The following MYO3A variants were observed in gnomAD, a reference collection of about 807,000 sequenced individuals.
The protein encoded by MYO3A is myosin IIIA.
In MYO3A, 180 loss-of-function variants were observed where a neutral mutation model predicts 192.7. The ratio of observed to expected loss-of-function variants is 0.93; its 90% CI spans 0.83 to 1.06. The LOEUF (loss-of-function observed/expected upper bound fraction) is 1.06, where lower values mean the gene tolerates loss of function less well. Among genes scored for constraint, MYO3A ranks in the 50% least tolerant of loss-of-function variants. The pLI, the probability that MYO3A is intolerant of heterozygous loss-of-function variation, is 0.00. For missense variants in MYO3A, 1,896 were observed against 1,905.0 expected (o/e 1.00, Z 0.09); for synonymous variants, 628 against 645.3 (o/e 0.97, Z 0.41).
At chr10:26,121,438 G>A (rs1838851671) in intron 18 of MYO3A, among the ~76,000 whole-genome samples, 1 of 151,902 alleles carries the variant, frequency 6.6e-6, no homozygotes, top group African/African-American at 2.4e-5. Context: ...CATATTTGCT[G>A]TTTCATTAAT....
chr10:26,124,628 C>A (rs891053617), intron 18 of MYO3A, among the ~76,000 whole-genome samples: 3 of 152,044 alleles, frequency 2.0e-5, no homozygotes, highest in African/African-American at 7.2e-5. Flanking sequence ...GTAAAATGTT[C>A]AAAATATTTT....
chr10:26,053,648 AC>A lies in MYO3A; in HGVS notation c.954-13323del, dbSNP rs371907317. Among the ~76,000 whole-genome samples the A allele has an allele frequency of 4.9e-4, 75 of 152,246 alleles. No individual in the cohort carries two copies. The East Asian group carries it at 0.015, about 29-fold the overall frequency. On this transcript the variant is annotated intron_variant, in intron 10 of 34. Transcript: ENST00000642920. ...AGACCAGTCTGGCCAACATAGTGAAACCCCGTCTCTACTAAAAACACAAAAA... is the reference window on the plus strand; with the variant it reads ...AGACCAGTCTGGCCAACATAGTGAAACCCGTCTCTACTAAAAACACAAAAA...
In MYO3A at chr10:26,160,525, G is replaced by C. The variant is rs184822519; in HGVS notation, c.2999+3010G>C. On this transcript the variant is annotated intron_variant, in intron 26 of 34. Coordinates refer to ENST00000642920, the MANE Select transcript of MYO3A (RefSeq NM_017433.5). ...CTGGGTGTGGTGGCTCATGCCTGTA[G>C]TCTTAGCTACTCAGGAGTCTGTGGC... Among the ~76,000 whole-genome samples the C allele has an allele frequency of 7.9e-5, 12 of 152,196 alleles. No individual in the cohort carries two copies. In the East Asian group the frequency reaches 2.1e-3, roughly 27 times the overall value.
At chr10:26,013,566 A>AT (rs1334714365) in intron 6 of MYO3A, among the ~76,000 whole-genome samples, 1 of 152,184 alleles carries the variant, frequency 6.6e-6, no homozygotes, top group Admixed American at 6.5e-5. Context: ...ACAATGAGAT[A>AT]TACTACCATA....
intron 14 of MYO3A, among the ~76,000 whole-genome samples, chr10:26,072,757 T>A (rs12263561): frequency 0.47 from 72,041 of 151,728 alleles, 17,911 homozygotes; most frequent in Middle Eastern, 0.59. Context: ...GGAATGCTCA[T>A]ATATTTCTGG....
chr10:26,155,292 A>G (rs1841047422), intron 25 of MYO3A, among the ~76,000 whole-genome samples: 1 of 152,192 alleles, frequency 6.6e-6, no homozygotes, highest in Admixed American at 6.5e-5. Flanking sequence ...GAGAAGAGTC[A>G]TCAGGAAGAT....
chr10:25,977,685 G>T (rs1304822943), intron 4 of MYO3A, among the ~76,000 whole-genome samples: 1 of 151,966 alleles, frequency 6.6e-6, no homozygotes, highest in African/African-American at 2.4e-5. Context: ...TATAAAATGA[G>T]AATTTTGTGA....
intron 2 of MYO3A, among the ~76,000 whole-genome samples, chr10:25,950,807 G>T (rs1837162713): frequency 6.6e-6 from 1 of 152,158 alleles, no homozygotes. Flanking sequence ...TGAAAGTTGT[G>T]AGTGTGGCCA....
chr10:26,012,573 G>T (rs144072172), intron 6 of MYO3A, among the ~76,000 whole-genome samples: 1,793 of 152,202 alleles, frequency 0.012, 44 homozygotes, highest in African/African-American at 0.041. Context: ...ACAAAACACT[G>T]CCAAAAGAAA....
intron 14 of MYO3A, among the ~76,000 whole-genome samples, chr10:26,074,097 C>T (rs138829889): frequency 4.7e-4 from 72 of 151,960 alleles, no homozygotes; most frequent in African/African-American, 1.5e-3. Context: ...AGAAAAAAAA[C>T]TGTTTACAAT....
intron 34 of MYO3A, among the ~76,000 whole-genome samples, chr10:26,205,901 G>A (rs1291340590): frequency 6.6e-6 from 1 of 151,992 alleles, no homozygotes; most frequent in Non-Finnish European, 1.5e-5. Context: ...TTACAGGCGT[G>A]AGCCACCGTG....
intron 32 of MYO3A, among the ~76,000 whole-genome samples, chr10:26,197,326 A>G (rs1380556816): frequency 6.6e-6 from 1 of 152,196 alleles, no homozygotes; most frequent in Non-Finnish European, 1.5e-5. Context: ...GAGGGGCCTG[A>G]AGGTTATTTC....
chr10:26,137,769 T>C (rs1839934979), intron 20 of MYO3A, among the ~76,000 whole-genome samples: 1 of 152,214 alleles, frequency 6.6e-6, no homozygotes, highest in South Asian at 2.1e-4. Context: ...TCGGCTGCTC[T>C]GGGAATGTCT....
At chr10:25,964,973 G>T (rs578101986) in intron 4 of MYO3A, among the ~76,000 whole-genome samples, 1 of 152,172 alleles carries the variant, frequency 6.6e-6, no homozygotes, top group Non-Finnish European at 1.5e-5. Context: ...GCTGCCAGAA[G>T]TATTGAACCT....
At chr10:26,088,169 T>G (rs1836459117) in intron 14 of MYO3A, 34 bp from the exon 15 acceptor site, 2 of 1,481,334 alleles carry the variant, frequency 1.4e-6, no homozygotes, top group African/African-American at 1.4e-5. Flanking sequence ...TAATTTTTTA[T>G]GTTTTTAAAA....
At chr10:26,027,498 C>G (rs2131125454) in intron 10 of MYO3A, among the ~76,000 whole-genome samples, 1 of 152,164 alleles carries the variant, frequency 6.6e-6, no homozygotes, top group East Asian at 1.9e-4. Context: ...GCATGTACCA[C>G]CGTGCCTGGC....
At position 26,008,704 on chromosome 10, in the gene MYO3A, C is replaced by G. The variant is rs541803333; in HGVS notation, c.509-8116C>G. ...TACCATCTCACACCAGTTAGAATGG[C>G]AATTGTTAAAAAGTCAGGAAACAAC... is the stretch of plus-strand genomic sequence containing the variant. On this transcript the variant is annotated intron_variant, in intron 6 of 34. Transcript: ENST00000642920. 2.9e-4 allele frequency among the ~76,000 whole-genome samples: 44 copies of G among 151,742 alleles called. 2 individuals carry two copies. Among genetic ancestry groups the G allele is most frequent in the Non-Finnish European group, 5.0e-4 (34 of 67,838 alleles).
intron 10 of MYO3A, among the ~76,000 whole-genome samples, chr10:26,056,667 T>C (rs1834129630): frequency 7.9e-6 from 1 of 127,228 alleles, no homozygotes; most frequent in Non-Finnish European, 1.8e-5. Context: ...AATACAGATG[T>C]CCTAAATGTG....
intron 28 of MYO3A, 76 bp from the exon 29 acceptor site, chr10:26,170,340 C>T: frequency 6.6e-7 from 1 of 1,508,286 alleles, no homozygotes; most frequent in South Asian, 1.2e-5. Flanking sequence ...TGGTCAAAGC[C>T]ACCATTTCTA....
Sources: allele counts gnomAD v4.1 joint callset (sites outside exome capture counted in the v4.1 genomes callset), GRCh38; gene constraint gnomAD v4.1.1; transcripts MANE v1.5; gene names NCBI Gene and HGNC (gene_info 2026-07-23, HGNC 2026-07-21).